The following BACH2 variants were observed in gnomAD, a reference collection of about 807,000 sequenced individuals.
BACH2 encodes the protein BACH transcriptional regulator 2.
BACH2 carries 5 observed loss-of-function variants against 61.8 expected under a neutral mutation model. That is an observed-to-expected ratio of 0.08 (90% confidence interval 0.04 to 0.17). The LOEUF (loss-of-function observed/expected upper bound fraction) is 0.17. BACH2 is among the 10% of genes least tolerant of loss of function. BACH2 has a pLI of 1.00. For missense variants in BACH2, 824 were observed against 1,091.1 expected (o/e 0.76, Z 3.45); for synonymous variants, 446 against 440.1 (o/e 1.01, Z -0.17).
At chr6:89,946,601 C>G (rs535093593) in intron 7 of BACH2, among the ~76,000 whole-genome samples, 2 of 152,116 alleles carry the variant, frequency 1.3e-5, no homozygotes, top group Non-Finnish European at 2.9e-5. Context: ...TTTACGAGAA[C>G]GAGAGATATT....
intron 5 of BACH2, among the ~76,000 whole-genome samples, chr6:90,053,133 C>T (rs556447061): frequency 1.3e-5 from 2 of 152,260 alleles, no homozygotes; most frequent in East Asian, 3.9e-4. Context: ...CTGATTATCT[C>T]CTTCCTCATA....
chr6:89,932,198 G>T lies in BACH2; in HGVS notation c.*210C>A. ...TCATCACTGCTGTCTTTCCTTGCCT[G>T]GGCAAGGGGTAGCACCATTGTGAAG... On this transcript the variant is annotated 3_prime_UTR_variant, in exon 9 of 9. Transcript: ENST00000257749. 1.6e-6 allele frequency: 1 copy of T among 637,988 alleles called. No homozygotes were observed. The highest frequency in any genetic ancestry group is 2.6e-6 in the Non-Finnish European group (1 of 379,138). The allele number at this position is 637,988 out of a possible 1,614,324, so 39.5% of individuals were successfully genotyped here.
chr6:90,254,718 A>T (rs1043109028), intron 2 of BACH2, among the ~76,000 whole-genome samples: 1 of 152,168 alleles, frequency 6.6e-6, no homozygotes, highest in Non-Finnish European at 1.5e-5. Flanking sequence ...TACCAGCAAA[A>T]CCCAATCTAT....
At chr6:90,177,322 T>C (rs971107670) in intron 4 of BACH2, among the ~76,000 whole-genome samples, 15 of 152,128 alleles carry the variant, frequency 9.9e-5, no homozygotes, top group African/African-American at 3.6e-4. Flanking sequence ...TTCCAGTGGG[T>C]AGCACAGCAC....
rs551921134 is a variant in BACH2, at chr6:90,288,171, A to G, written c.-446+8309T>C. Reference sequence around the variant, plus strand: ...CATTTTTTTTTCAGTTTGACTCTTCAGGGCTTATTCATTTGCATAATATGG... The same window carrying G: ...CATTTTTTTTTCAGTTTGACTCTTCGGGGCTTATTCATTTGCATAATATGG... On this transcript the variant is annotated intron_variant, in intron 1 of 8. Transcript: ENST00000257749. Among the ~76,000 whole-genome samples the G allele has an allele frequency of 2.5e-3, 374 of 152,168 alleles. 3 individuals are homozygous for G. The highest frequency in any genetic ancestry group is 8.5e-3 in the African/African-American group (354 of 41,504).
chr6:90,109,155 C>T (rs62408204), intron 4 of BACH2, among the ~76,000 whole-genome samples: 40,590 of 152,076 alleles, frequency 0.27, 6,828 homozygotes, highest in Non-Finnish European at 0.38. Flanking sequence ...CTTTCCTTAA[C>T]CTGTTGTAGA....
intron 5 of BACH2, among the ~76,000 whole-genome samples, chr6:90,086,344 A>G (rs1217795050): frequency 1.3e-5 from 2 of 152,148 alleles, no homozygotes; most frequent in African/African-American, 2.4e-5. Context: ...TTTTTTTGGT[A>G]TATACCCAGA....
intron 6 of BACH2, among the ~76,000 whole-genome samples, chr6:89,954,050 CT>C (rs1183444236): frequency 3.3e-5 from 5 of 151,934 alleles, no homozygotes; most frequent in African/African-American, 1.2e-4. Context: ...TTATAGGTAA[CT>C]GAAGAAGATG....
At chr6:90,049,380 A>C (rs1779931410) in intron 5 of BACH2, among the ~76,000 whole-genome samples, 1 of 152,212 alleles carries the variant, frequency 6.6e-6, no homozygotes, top group African/African-American at 2.4e-5. Context: ...GACCTCTCTG[A>C]GGTCATGACA....
intron 5 of BACH2, among the ~76,000 whole-genome samples, chr6:90,030,998 T>G (rs1158326591): frequency 8.2e-6 from 1 of 122,600 alleles, no homozygotes; most frequent in Non-Finnish European, 1.6e-5. Flanking sequence ...TCAAAAAGCT[T>G]ATCCACCATG....
chr6:90,175,806 C>G (rs1034578672), intron 4 of BACH2, among the ~76,000 whole-genome samples: 8 of 152,112 alleles, frequency 5.3e-5, no homozygotes, highest in African/African-American at 2.4e-5. Context: ...GGTAGCATGC[C>G]TTTGACAAGA....
At chr6:90,160,214 G>C (rs933529282) in intron 4 of BACH2, among the ~76,000 whole-genome samples, 7 of 152,184 alleles carry the variant, frequency 4.6e-5, no homozygotes, top group Admixed American at 4.6e-4. Context: ...CTGTGCACGT[G>C]AGGCCTTAGA....
chr6:90,159,312 C>T (rs1785107971), intron 4 of BACH2, among the ~76,000 whole-genome samples: 1 of 152,170 alleles, frequency 6.6e-6, no homozygotes, highest in African/African-American at 2.4e-5. Context: ...ATACAGTATC[C>T]ACTGCACAGC....
intron 2 of BACH2, among the ~76,000 whole-genome samples, chr6:90,269,695 C>T (rs1408444776): frequency 6.6e-6 from 1 of 152,056 alleles, no homozygotes; most frequent in African/African-American, 2.4e-5. Context: ...TAAAAGAGCC[C>T]TAAAACAAAT....
chr6:90,277,797 C>T (rs1376702505), intron 1 of BACH2, among the ~76,000 whole-genome samples: 3 of 152,212 alleles, frequency 2.0e-5, no homozygotes, highest in Admixed American at 6.5e-5. Flanking sequence ...GCTTCTCTGG[C>T]TTCCAGTTCT....
chr6:90,128,827 G>A (rs1056255838), intron 4 of BACH2, among the ~76,000 whole-genome samples: 1 of 152,130 alleles, frequency 6.6e-6, no homozygotes, highest in African/African-American at 2.4e-5. Context: ...GTCCAACAAT[G>A]GTAGACTGGA....
Position 89,982,354 on chromosome 6 carries a change from TA to T in BACH2, c.243+26247del, listed in dbSNP as rs1776002408. 3.3e-5 allele frequency among the ~76,000 whole-genome samples: 5 copies of T among 151,994 alleles called. 1 individual carries two copies. Among genetic ancestry groups the T allele is most frequent in the Admixed American group, 3.3e-4 (5 of 15,262 alleles). On this transcript the variant is annotated intron_variant, in intron 6 of 8. Transcript: ENST00000257749. ...GGGGTAGAGAGGTCACTACTGCATC[TA>T]AAAGGGCAGAGATGGGATGGAAAGA...
At chr6:90,164,348 C>T (rs1410247175) in intron 4 of BACH2, among the ~76,000 whole-genome samples, 1 of 152,090 alleles carries the variant, frequency 6.6e-6, no homozygotes, top group Non-Finnish European at 1.5e-5. Context: ...AGACACCCTC[C>T]CAAGACTAAA....
At chr6:90,186,141 G>A (rs1768348532) in intron 4 of BACH2, among the ~76,000 whole-genome samples, 1 of 152,168 alleles carries the variant, frequency 6.6e-6, no homozygotes, top group Admixed American at 6.5e-5. Flanking sequence ...TATAATGAAT[G>A]TAATTCCAAG....
Sources: gnomAD v4.1 joint callset for allele counts (sites outside exome capture counted in the v4.1 genomes callset) on GRCh38, gnomAD v4.1.1 for gene constraint, MANE v1.5 for transcripts, NCBI Gene and HGNC (gene_info 2026-07-23, HGNC 2026-07-21) for gene names.